CDKAL1: variants seen among roughly 807,000 people sequenced by gnomAD.
The protein encoded by CDKAL1 is threonylcarbamoyladenosine tRNA methylthiotransferase.
In CDKAL1, 32 loss-of-function variants were observed where a neutral mutation model predicts 68.2. The observed-to-expected ratio is 0.47, with a 90% CI of 0.35 to 0.63. The LOEUF (loss-of-function observed/expected upper bound fraction) is 0.63. Ranked by LOEUF, CDKAL1 falls within the 30% of genes least tolerant of loss-of-function variation. CDKAL1 has a pLI of 0.00. For missense variants in CDKAL1, 606 were observed against 696.7 expected, an observed-to-expected ratio of 0.87 and a Z score of 1.47; for synonymous variants, 234 against 244.3, an observed-to-expected ratio of 0.96 and a Z score of 0.39.
At chr6:20,923,819 CTGGGCAACA>C (rs1763064542) in intron 9 of CDKAL1, among the ~76,000 whole-genome samples, 1 of 152,168 alleles carries the variant, frequency 6.6e-6, no homozygotes, top group Non-Finnish European at 1.5e-5. Context: ...CAAGACTAGC[CTGGGCAACA>C]TGGTGAAACC....
At chr6:20,566,656 C>T (rs1291311784) in intron 4 of CDKAL1, among the ~76,000 whole-genome samples, 1 of 151,916 alleles carries the variant, frequency 6.6e-6, no homozygotes, top group East Asian at 1.9e-4. Flanking sequence ...TGTTTAATAT[C>T]AGTGAGAAAA....
chr6:20,884,676 A>G (rs1306306255), intron 9 of CDKAL1, among the ~76,000 whole-genome samples: 1 of 152,258 alleles, frequency 6.6e-6, no homozygotes, highest in Non-Finnish European at 1.5e-5. Context: ...TAAGATCACC[A>G]TGCAAAAATC....
intron 4 of CDKAL1, among the ~76,000 whole-genome samples, chr6:20,617,616 G>A (rs1035519331): frequency 6.6e-6 from 1 of 152,016 alleles, no homozygotes; most frequent in Non-Finnish European, 1.5e-5. Flanking sequence ...CCCACCCTAT[G>A]TCTGAGTGTT....
intron 4 of CDKAL1, among the ~76,000 whole-genome samples, chr6:20,641,070 T>A (rs1446533039): frequency 6.6e-6 from 1 of 152,236 alleles, no homozygotes; most frequent in Non-Finnish European, 1.5e-5. Flanking sequence ...AACAATAGTT[T>A]ATTTCTTTTG....
At chr6:20,714,980 CAT>C (rs762305267) in intron 5 of CDKAL1, among the ~76,000 whole-genome samples, 4 of 152,070 alleles carry the variant, frequency 2.6e-5, no homozygotes, top group Non-Finnish European at 4.4e-5. Context: ...TGATCAGACA[CAT>C]ATATAGTAAA....
intron 10 of CDKAL1, among the ~76,000 whole-genome samples, chr6:20,957,223 G>C (rs1561915011): frequency 1.3e-5 from 2 of 152,134 alleles, no homozygotes; most frequent in Non-Finnish European, 2.9e-5. Flanking sequence ...GGACCCACAA[G>C]AGATAGAGTC....
chr6:20,670,764 C>T (rs1769775154), intron 5 of CDKAL1, among the ~76,000 whole-genome samples: 2 of 151,942 alleles, frequency 1.3e-5, no homozygotes, highest in African/African-American at 4.8e-5. Flanking sequence ...TTTAAATTTC[C>T]TTTTGTTTTT....
chr6:21,054,744 T>C (rs1189842152), intron 11 of CDKAL1, among the ~76,000 whole-genome samples: 1 of 152,148 alleles, frequency 6.6e-6, no homozygotes, highest in African/African-American at 2.4e-5. Context: ...GGAATTGGAT[T>C]CTTGATTTCA....
chr6:20,889,807 T>C (rs1224174760), intron 9 of CDKAL1, among the ~76,000 whole-genome samples: 2 of 152,240 alleles, frequency 1.3e-5, no homozygotes, highest in Non-Finnish European at 2.9e-5. Flanking sequence ...CCTCCAGCTT[T>C]GTTCTTTTTT....
chr6:20,566,761 A>G (rs1764477559), intron 4 of CDKAL1, among the ~76,000 whole-genome samples: 1 of 152,178 alleles, frequency 6.6e-6, no homozygotes, highest in African/African-American at 2.4e-5. Context: ...GCATCTAAAG[A>G]TTCCCATGGT....
intron 13 of CDKAL1, among the ~76,000 whole-genome samples, chr6:21,184,982 T>A (rs965574930): frequency 2.0e-5 from 3 of 151,986 alleles, no homozygotes; most frequent in Admixed American, 2.0e-4. Flanking sequence ...TTGAATATTC[T>A]CAAGGTCTCT....
chr6:20,640,959 G>C (rs1007501059), intron 4 of CDKAL1, among the ~76,000 whole-genome samples: 2 of 152,118 alleles, frequency 1.3e-5, no homozygotes, highest in African/African-American at 4.8e-5. Context: ...AATAATGTTA[G>C]CTATTATCGT....
intron 4 of CDKAL1, among the ~76,000 whole-genome samples, chr6:20,553,727 C>A (rs773406598): frequency 6.6e-6 from 1 of 152,218 alleles, no homozygotes; most frequent in Non-Finnish European, 1.5e-5. Flanking sequence ...TCTCCTGCCT[C>A]GGCCTCCGGA....
chr6:20,825,936 G>A (rs1394694608), intron 8 of CDKAL1, among the ~76,000 whole-genome samples: 1 of 151,990 alleles, frequency 6.6e-6, no homozygotes, highest in African/African-American at 2.4e-5. Flanking sequence ...TCATTTTGGG[G>A]GGATTACTTT....
intron 5 of CDKAL1, among the ~76,000 whole-genome samples, chr6:20,731,784 G>A (rs1772935679): frequency 6.6e-6 from 1 of 152,164 alleles, no homozygotes; most frequent in Non-Finnish European, 1.5e-5. Context: ...GCAGGTTCAG[G>A]AATTTGATTT....
intron 4 of CDKAL1, among the ~76,000 whole-genome samples, chr6:20,637,903 C>A (rs532435911): frequency 1.3e-5 from 2 of 151,474 alleles, no homozygotes; most frequent in East Asian, 3.9e-4. Flanking sequence ...TTTTTTTTCT[C>A]TGAATAATAT....
At chr6:21,186,450 G>T (rs1171535375) in intron 13 of CDKAL1, among the ~76,000 whole-genome samples, 2 of 152,142 alleles carry the variant, frequency 1.3e-5, no homozygotes, top group African/African-American at 2.4e-5. Context: ...AAGTCCAAAT[G>T]CCACTGTTTT....
intron 10 of CDKAL1, among the ~76,000 whole-genome samples, chr6:20,984,056 G>C (rs147185989): frequency 6.6e-6 from 1 of 152,144 alleles, no homozygotes; most frequent in Non-Finnish European, 1.5e-5. Context: ...ATCTAAGATC[G>C]CGTGAAGTAA....
intron 13 of CDKAL1, among the ~76,000 whole-genome samples, chr6:21,156,690 T>A (rs910868994): frequency 2.6e-5 from 4 of 152,086 alleles, no homozygotes; most frequent in Admixed American, 2.6e-4. Flanking sequence ...ACGATGGATG[T>A]AAGGAAGATA....
Sources: gnomAD v4.1 joint callset for allele counts (sites outside exome capture counted in the v4.1 genomes callset) on GRCh38, gnomAD v4.1.1 for gene constraint, MANE v1.5 for transcripts, NCBI Gene and HGNC (gene_info 2026-07-23, HGNC 2026-07-21) for gene names.